The following DPH6 variants were observed in gnomAD, a reference collection of about 807,000 sequenced individuals.
DPH6 encodes the protein diphthine--ammonia ligase.
Under a neutral mutation model 38.2 loss-of-function variants are expected in DPH6, and 33 were observed. That is an observed-to-expected ratio of 0.86 (90% CI 0.65 to 1.15). The LOEUF (loss-of-function observed/expected upper bound fraction) is 1.15, where lower values mean the gene tolerates loss of function less well. Among genes scored for constraint, DPH6 ranks in the 50% most tolerant of loss-of-function variants. The probability of loss-of-function intolerance (pLI) is 0.00; values close to 1 mark genes in which losing one functional copy is unlikely to be tolerated. For missense variants in DPH6, 325 were observed against 320.0 expected (o/e 1.02, Z -0.12); for synonymous variants, 108 against 103.0 (o/e 1.05, Z -0.30).
chr15:35,301,725 C>G (rs2052055512), intron 3 of DPH6, among the ~76,000 whole-genome samples: 1 of 152,146 alleles, frequency 6.6e-6, no homozygotes, highest in Non-Finnish European at 1.5e-5. Flanking sequence ...GTAATCCCAG[C>G]ACTTTCGGAG....
At chr15:35,216,708 C>T (rs569918561), downstream of DPH6, among the ~76,000 whole-genome samples, 4 of 152,282 alleles carry the variant, frequency 2.6e-5, no homozygotes, top group African/African-American at 9.6e-5. Flanking sequence ...TACACCATTC[C>T]TACTCTGAAT....
chr15:35,473,957 T>TGTGTGC lies in DPH6; in HGVS notation c.313-19138_313-19137insGCACAC, dbSNP rs1480867662. 7.2e-3 allele frequency among the ~76,000 whole-genome samples: 279 copies of TGTGTGC among 38,492 alleles called. No individual in the cohort carries two copies. The East Asian group carries it at 0.097, about 13-fold the overall frequency. The allele number at this position is 38,492 out of a possible 152,430, so 25.3% of individuals were successfully genotyped here. On this transcript the variant is annotated intron_variant, in intron 3 of 8. Transcript: ENST00000256538. ...GTGTGTGTGTGTGTGTGTGTGTGTG[T>TGTGTGC]GCGCGCGCGCGCGTGAGCTTTTGTA...
chr15:35,306,870 G>C (rs2052096268), intron 3 of DPH6, among the ~76,000 whole-genome samples: 1 of 152,186 alleles, frequency 6.6e-6, no homozygotes, highest in Non-Finnish European at 1.5e-5. Context: ...GTCAGGCTCA[G>C]ACTGAGAAAA....
chr15:35,514,029 G>A (rs1411049936), intron 3 of DPH6, among the ~76,000 whole-genome samples: 1 of 151,946 alleles, frequency 6.6e-6, no homozygotes, highest in Non-Finnish European at 1.5e-5. Context: ...TAAAGGGTTG[G>A]AAACTTTATA....
chr15:35,454,453 C>A (rs2053971685), intron 4 of DPH6, among the ~76,000 whole-genome samples: 1 of 151,930 alleles, frequency 6.6e-6, no homozygotes, highest in South Asian at 2.1e-4. Flanking sequence ...ACAGGATATA[C>A]TAAATCAAAT....
intron 3 of DPH6, chr15:35,521,969 G>A: frequency 6.9e-7 from 1 of 1,449,452 alleles, no homozygotes; most frequent in Non-Finnish European, 9.1e-7. Context: ...GCCTAGGTAA[G>A]TACTAAACTA....
intron 3 of DPH6, among the ~76,000 whole-genome samples, chr15:35,332,299 G>A (rs1389883619): frequency 1.3e-5 from 2 of 151,920 alleles, no homozygotes; most frequent in Non-Finnish European, 2.9e-5. Flanking sequence ...TTAGGCAAAA[G>A]GATAAATTTG....
chr15:35,375,372 C>G (rs1395959292), intron 7 of DPH6, among the ~76,000 whole-genome samples: 2 of 152,032 alleles, frequency 1.3e-5, no homozygotes, highest in African/African-American at 2.4e-5. Context: ...GAAGAGTCAA[C>G]TGGGAGAGAC....
At chr15:35,366,679 G>A (rs930619363), downstream of DPH6, among the ~76,000 whole-genome samples, 5 of 151,656 alleles carry the variant, frequency 3.3e-5, no homozygotes, top group Middle Eastern at 3.4e-3. Flanking sequence ...ATAAGCTCCC[G>A]GCCTCCACCA....
chr15:35,164,667 C>T, the DPH6 span, among the ~76,000 whole-genome samples: 1 of 151,724 alleles, frequency 6.6e-6, no homozygotes, highest in African/African-American at 2.4e-5. Flanking sequence ...GGGTCTCTTG[C>T]CGTATTTTTA....
chr15:35,270,612 G>A (rs1199461425), intron 3 of DPH6, among the ~76,000 whole-genome samples: 1 of 152,146 alleles, frequency 6.6e-6, no homozygotes, highest in East Asian at 1.9e-4. Flanking sequence ...GCTGTGTCTA[G>A]TTTACTTCTT....
chr15:35,185,291 T>C, the DPH6 span, among the ~76,000 whole-genome samples: 3 of 152,010 alleles, frequency 2.0e-5, no homozygotes, highest in Non-Finnish European at 4.4e-5. Context: ...ACCACCAGGA[T>C]TGAAGGGGTA....
chr15:35,376,864 T>A (rs1358496077), intron 7 of DPH6, among the ~76,000 whole-genome samples: 3 of 152,212 alleles, frequency 2.0e-5, no homozygotes, highest in Non-Finnish European at 1.5e-5. Context: ...TATATTTGTA[T>A]AAGTATACTC....
At chr15:35,186,220 C>G in the DPH6 span, among the ~76,000 whole-genome samples, 1 of 152,046 alleles carries the variant, frequency 6.6e-6, no homozygotes, top group Non-Finnish European at 1.5e-5. Context: ...GGAAGAAAGC[C>G]TGTAGCAACT....
intron 3 of DPH6, among the ~76,000 whole-genome samples, chr15:35,458,245 A>AT (rs2054021185): frequency 2.6e-5 from 4 of 152,160 alleles, no homozygotes. Flanking sequence ...CTACTACTGG[A>AT]TAAAAACCTA....
intron 3 of DPH6, among the ~76,000 whole-genome samples, chr15:35,223,262 C>T (rs574634177): frequency 6.6e-6 from 1 of 152,218 alleles, no homozygotes; most frequent in South Asian, 2.1e-4. Flanking sequence ...GGCAAGAAAA[C>T]GAGCAAGAAA....
At chr15:35,237,277 T>C in intron 3 of DPH6, 1 of 1,511,370 alleles carries the variant, frequency 6.6e-7, no homozygotes, top group Non-Finnish European at 9.2e-7. Flanking sequence ...GCGGCCGTGT[T>C]ATTGATTGAA....
At chr15:35,271,520 A>G (rs1418510691) in intron 3 of DPH6, among the ~76,000 whole-genome samples, 1 of 152,254 alleles carries the variant, frequency 6.6e-6, no homozygotes. Context: ...GTAAGCACCA[A>G]TAGAGCATGA....
chr15:35,194,387 GAGAGAGAGAT>G, the DPH6 span, among the ~76,000 whole-genome samples: 1 of 151,882 alleles, frequency 6.6e-6, no homozygotes, highest in African/African-American at 2.4e-5. Flanking sequence ...GAGAGAGAGA[GAGAGAGAGAT>G]AGAGAGAGAG....
Sources: allele counts gnomAD v4.1 joint callset (sites outside exome capture counted in the v4.1 genomes callset), GRCh38; gene constraint gnomAD v4.1.1; transcripts MANE v1.5; gene names NCBI Gene and HGNC (gene_info 2026-07-23, HGNC 2026-07-21).